VRTN: variants seen among roughly 807,000 people sequenced by gnomAD.
VRTN encodes vertebrae development associated.
In VRTN, 5 loss-of-function variants were observed where a neutral mutation model predicts 18.2. The observed-to-expected ratio is 0.27, with a 90% CI of 0.14 to 0.58. The LOEUF is 0.58. Among genes scored for constraint, VRTN ranks in the 20% least tolerant of loss-of-function variants. The pLI, the probability that VRTN is intolerant of heterozygous loss-of-function variation, is 0.91. For synonymous variants in VRTN, 381 were observed against 393.7 expected (o/e 0.97, Z 0.38); for missense variants, 741 against 939.4 (o/e 0.79, Z 2.76).
At chr14:74,305,819 C>T (rs3759748) in intron 1 of VRTN, among the ~76,000 whole-genome samples, 26,551 of 151,788 alleles carry the variant, frequency 0.17, 3,029 homozygotes, top group East Asian at 0.49. Context: ...TCTTTTATGT[C>T]GAGACAGGGT....
intron 2 of VRTN, among the ~76,000 whole-genome samples, chr14:74,341,794 C>T (rs1372323372): frequency 6.6e-6 from 1 of 152,254 alleles, no homozygotes; most frequent in East Asian, 1.9e-4. Context: ...GCTGGGATTA[C>T]AGGCGTGAGC....
At position 74,357,469 on chromosome 14, in the gene VRTN, G is replaced by C. The variant is rs150867891; in HGVS notation, c.686G>C (p.Ser229Thr). ...HIMWAGQPLT[S>T]HFFRHQYFAP... Reference sequence around the variant, plus strand: ...ATGTGGGCTGGCCAGCCCCTCACCAGCCACTTCTTCCGCCACCAGTACTTT... The same window carrying C: ...ATGTGGGCTGGCCAGCCCCTCACCACCCACTTCTTCCGCCACCAGTACTTT... The change falls in exon 2 of 2, where the codon AGC (serine) becomes ACC (threonine). Residue 229 changes from serine (S) to threonine (T), a missense_variant. By Grantham distance (58) the Ser-to-Thr change is moderately conservative. Transcript: ENST00000256362. This position sits in a 1 kb window ranked among gnomAD's most constrained non-coding sequence, Gnocchi z 7.8. The C allele has an allele frequency of 2.2e-5, 35 of 1,612,132 alleles. No individual in the cohort carries two copies. The highest frequency in any genetic ancestry group is 3.0e-5 in the Non-Finnish European group (35 of 1,180,006).
At chr14:74,344,789 TA>T (rs1359186334), upstream of VRTN, among the ~76,000 whole-genome samples, 2 of 149,396 alleles carry the variant, frequency 1.3e-5, no homozygotes, top group Non-Finnish European at 3.0e-5. Flanking sequence ...TAACCCTCTT[TA>T]AATTTCATTG....
chr14:74,308,798 G>A (rs961664881), intron 1 of VRTN, among the ~76,000 whole-genome samples: 4 of 151,430 alleles, frequency 2.6e-5, no homozygotes, highest in Non-Finnish European at 4.4e-5. Flanking sequence ...TTACAGGCGC[G>A]AGCCACTGCA....
intron 1 of VRTN, among the ~76,000 whole-genome samples, chr14:74,334,281 C>T (rs951783930): frequency 1.3e-5 from 2 of 152,196 alleles, no homozygotes; most frequent in Non-Finnish European, 2.9e-5. Flanking sequence ...GTAATACCAG[C>T]ACTTTGGGAG....
chr14:74,345,563 A>T (rs2085638531), upstream of VRTN, among the ~76,000 whole-genome samples: 1 of 151,616 alleles, frequency 6.6e-6, no homozygotes, highest in Non-Finnish European at 1.5e-5. Context: ...TGTTGGTGAA[A>T]CACCCAGTTG....
At chr14:74,331,542 T>TTTTATATA in intron 1 of VRTN, among the ~76,000 whole-genome samples, 1 of 64,930 alleles carries the variant, frequency 1.5e-5, no homozygotes, top group South Asian at 4.8e-4. Flanking sequence ...AAAAAAAAAA[T>TTTTATATA]TTTATATATA....
At chr14:74,304,386 C>T (rs2085284869) in intron 1 of VRTN, among the ~76,000 whole-genome samples, 1 of 152,156 alleles carries the variant, frequency 6.6e-6, no homozygotes, top group Non-Finnish European at 1.5e-5. Flanking sequence ...GAACTCCCGA[C>T]CTCAGGTGAT....
At chr14:74,319,279 C>G (rs2140195609) in intron 1 of VRTN, among the ~76,000 whole-genome samples, 1 of 152,294 alleles carries the variant, frequency 6.6e-6, no homozygotes, top group African/African-American at 2.4e-5. Flanking sequence ...AATGATCCAC[C>G]CTCCTTGGCC....
At chr14:74,305,464 C>T in intron 1 of VRTN, 1 of 200,844 alleles carries the variant, frequency 5.0e-6, no homozygotes. Flanking sequence ...GCTCTTCTGG[C>T]AGCGGTTCTG....
chr14:74,320,561 CTCTTT>C lies in VRTN; in HGVS notation c.-163-17160_-163-17156del, dbSNP rs1567039609. On this transcript the variant is annotated intron_variant, in intron 1 of 2. Transcript: ENST00000557177. The stretch of plus-strand genomic sequence containing the variant: ...ACAGACTTGAGCCACTGCGCCCGGC[CTCTTT>C]TTTTTTTTTTTTTTTTTTTTTTTTT... 6.1e-4 allele frequency among the ~76,000 whole-genome samples: 56 copies of C among 91,558 alleles called. 3 individuals are homozygous for C. Among genetic ancestry groups the C allele is most frequent in the African/African-American group, 2.4e-3 (53 of 22,112 alleles). The allele number at this position is 91,558 out of a possible 152,430, so 60.1% of individuals were successfully genotyped here. A position where few individuals can be genotyped will look rare whatever the true frequency, so the allele number is the denominator to read the frequency against.
intron 1 of VRTN, among the ~76,000 whole-genome samples, chr14:74,303,440 A>T (rs1264160284): frequency 6.6e-6 from 1 of 152,024 alleles, no homozygotes; most frequent in African/African-American, 2.4e-5. Flanking sequence ...GGTCCGAGCT[A>T]CTCTGGAGGC....
intron 1 of VRTN, among the ~76,000 whole-genome samples, chr14:74,304,605 C>T (rs1478410194): frequency 2.0e-5 from 3 of 152,154 alleles, no homozygotes; most frequent in Non-Finnish European, 4.4e-5. Context: ...CAGGCCTCTA[C>T]GCACTAGATG....
chr14:74,307,079 C>T (rs1368618445), intron 1 of VRTN, among the ~76,000 whole-genome samples: 1 of 150,058 alleles, frequency 6.7e-6, no homozygotes, highest in East Asian at 2.0e-4. Flanking sequence ...GAGAATTGCT[C>T]TGTGCCCACC....
chr14:74,352,573 G>T (rs1228221010), intron 1 of VRTN, among the ~76,000 whole-genome samples: 1 of 151,648 alleles, frequency 6.6e-6, no homozygotes, highest in Non-Finnish European at 1.5e-5. Flanking sequence ...TGCTTTTTGG[G>T]GACAGTCTCC....
At chr14:74,322,035 A>T (rs983454091) in intron 1 of VRTN, among the ~76,000 whole-genome samples, 1 of 146,102 alleles carries the variant, frequency 6.8e-6, no homozygotes, top group East Asian at 2.1e-4. Context: ...TTTAGTAGAG[A>T]CGGGGTTTCA....
chr14:74,331,589 T>TATATATATATAC (rs1296997236), intron 1 of VRTN, among the ~76,000 whole-genome samples: 3 of 114,948 alleles, frequency 2.6e-5, no homozygotes, highest in Non-Finnish European at 3.7e-5. Context: ...TATATATATA[T>TATATATATATAC]ACAAAAAAGA....
intron 1 of VRTN, among the ~76,000 whole-genome samples, chr14:74,349,535 G>A (rs1181423755): frequency 6.6e-6 from 1 of 152,198 alleles, no homozygotes. Flanking sequence ...GAAAAGGGAG[G>A]GCTGAGAACA....
chr14:74,304,150 CT>C (rs911274775), intron 1 of VRTN, among the ~76,000 whole-genome samples: 1 of 151,248 alleles, frequency 6.6e-6, no homozygotes, highest in Non-Finnish European at 1.5e-5. Context: ...CGCTCCTGGC[CT>C]TTTTTTGTTT....
Sources: allele counts gnomAD v4.1 joint callset (sites outside exome capture counted in the v4.1 genomes callset), GRCh38; gene constraint gnomAD v4.1.1; non-coding constraint Gnocchi (gnomAD v3.1); transcripts MANE v1.5; gene names NCBI Gene and HGNC (gene_info 2026-07-23, HGNC 2026-07-21).